Variants in FGD6 observed in about 807,000 individuals in gnomAD.
FGD6 encodes the protein FYVE, RhoGEF and PH domain-containing protein 6.
FGD6 carries 90 observed loss-of-function variants against 149.4 expected under a neutral mutation model. The observed-to-expected ratio is 0.60, with a 90% CI of 0.51 to 0.72. The LOEUF (loss-of-function observed/expected upper bound fraction) is 0.72. Ranked by LOEUF, FGD6 falls within the 30% of genes least tolerant of loss-of-function variation. The probability of loss-of-function intolerance (pLI) is 0.00; values close to 1 mark genes in which losing one functional copy is unlikely to be tolerated. For synonymous variants in FGD6, 527 were observed against 584.0 expected (o/e 0.90, Z 1.41); for missense variants, 1,437 against 1,684.8 (o/e 0.85, Z 2.57).
chr12:95,195,068 C>T (rs1881702742), intron 2 of FGD6, among the ~76,000 whole-genome samples: 1 of 152,008 alleles, frequency 6.6e-6, no homozygotes, highest in African/African-American at 2.4e-5. Context: ...CCTGGTTTTC[C>T]TGAGGGGACA....
intron 8 of FGD6, chr12:95,126,288 A>G (rs12372152): frequency 0.073 from 105,414 of 1,435,674 alleles, 4,569 homozygotes; most frequent in East Asian, 0.18. Context: ...TCCTGCCCAG[A>G]AAGCCACAGG....
intron 3 of FGD6, among the ~76,000 whole-genome samples, chr12:95,167,368 C>T (rs970355932): frequency 1.3e-5 from 2 of 152,124 alleles, no homozygotes; most frequent in African/African-American, 4.8e-5. Context: ...CCCATTTCTC[C>T]ACATCCTGAC....
intron 3 of FGD6, among the ~76,000 whole-genome samples, chr12:95,157,530 C>A (rs1480185187): frequency 2.2e-5 from 3 of 138,764 alleles, no homozygotes; most frequent in African/African-American, 8.3e-5. Flanking sequence ...CGTGCCACTG[C>A]ACTCCAGCCT....
intron 2 of FGD6, among the ~76,000 whole-genome samples, chr12:95,196,933 C>G (rs1881749677): frequency 6.6e-6 from 1 of 152,112 alleles, no homozygotes; most frequent in Non-Finnish European, 1.5e-5. Flanking sequence ...GCCACCAGAG[C>G]CAGCCAGATG....
chr12:95,117,011 C>T, intron 8 of FGD6: 1 of 439,692 alleles, frequency 2.3e-6, no homozygotes, highest in Non-Finnish European at 4.5e-6. Context: ...GGAGACCAGA[C>T]AGACACGCCT....
At chr12:95,136,478 C>G (rs536649068) in intron 7 of FGD6, among the ~76,000 whole-genome samples, 1 of 152,164 alleles carries the variant, frequency 6.6e-6, no homozygotes, top group African/African-American at 2.4e-5. Context: ...AAATACAGTA[C>G]GCAAATTTTA....
intron 3 of FGD6, among the ~76,000 whole-genome samples, chr12:95,169,744 A>G (rs1279903250): frequency 6.6e-6 from 1 of 152,200 alleles, no homozygotes; most frequent in African/African-American, 2.4e-5. Flanking sequence ...AAAACAATAG[A>G]AAAGAGTGTC....
chr12:95,085,633 A>T (rs1877841192), intron 19 of FGD6, 147 bp downstream of exon 19: 2 of 831,804 alleles, frequency 2.4e-6, no homozygotes, highest in Non-Finnish European at 3.6e-6. Flanking sequence ...CACTGTTCAC[A>T]TTAAAAATAA....
intron 5 of FGD6, among the ~76,000 whole-genome samples, chr12:95,149,419 A>G (rs1880223635): frequency 7.9e-6 from 1 of 126,226 alleles, no homozygotes. Flanking sequence ...ATAGCATACT[A>G]TATAATATAT....
chr12:95,099,060 T>A (rs2136236930), intron 14 of FGD6, among the ~76,000 whole-genome samples: 1 of 152,156 alleles, frequency 6.6e-6, no homozygotes, highest in African/African-American at 2.4e-5. Context: ...ATGTAAAATA[T>A]TAAACGGGGT....
At chr12:95,105,750 G>A (rs969677722) in intron 13 of FGD6, among the ~76,000 whole-genome samples, 5 of 152,140 alleles carry the variant, frequency 3.3e-5, no homozygotes, top group Admixed American at 3.3e-4. Context: ...CAGGCAGGGC[G>A]CAGTGGCTCA....
intron 5 of FGD6, among the ~76,000 whole-genome samples, chr12:95,143,457 G>A (rs1879915953): frequency 6.6e-6 from 1 of 152,150 alleles, no homozygotes; most frequent in Non-Finnish European, 1.5e-5. Flanking sequence ...CTGGGACTAA[G>A]TTTATTGATC....
At chr12:95,106,916 A>ACAAAG (rs1878644388) in intron 13 of FGD6, 38 bp downstream of exon 13, 1 of 1,390,306 alleles carries the variant, frequency 7.2e-7, no homozygotes, top group Admixed American at 2.2e-5. Context: ...ACAAAACAAA[A>ACAAAG]CAAAACAAAA....
chr12:95,181,815 G>A (rs1389387489), intron 2 of FGD6, among the ~76,000 whole-genome samples: 6 of 152,024 alleles, frequency 3.9e-5, no homozygotes, highest in African/African-American at 7.2e-5. Flanking sequence ...TTAGCTGGGC[G>A]TGGTGGCGGG....
intron 2 of FGD6, among the ~76,000 whole-genome samples, chr12:95,174,927 C>CAAAAAAAAAAAA (rs10687970): frequency 3.5e-5 from 3 of 84,680 alleles, no homozygotes; most frequent in African/African-American, 1.1e-4. Flanking sequence ...ACTCCATCTC[C>CAAAAAAAAAAAA]AAAAAAAAAA....
Position 95,093,637 on chromosome 12 carries a change from T to C in FGD6, c.3601-792A>G, listed in dbSNP as rs868784910. On this transcript the variant is annotated intron_variant, in intron 15 of 20. Coordinates refer to ENST00000343958, the MANE Select transcript of FGD6 (RefSeq NM_018351.4). ...GTTGTGGTGAGCCGAGATTGTGCCA[T>C]TGCACTCTAGCCTGGGCAATAAGAG... 4.7e-4 allele frequency among the ~76,000 whole-genome samples: 70 copies of C among 150,332 alleles called. 1 individual carries two copies. In the Middle Eastern group the frequency reaches 0.014, roughly 29 times the overall value.
chr12:95,098,936 C>G (rs1878330700), intron 14 of FGD6, among the ~76,000 whole-genome samples: 1 of 140,872 alleles, frequency 7.1e-6, no homozygotes, highest in Non-Finnish European at 1.5e-5. Context: ...GTGGTGCGAT[C>G]TCGGCTCACT....
intron 5 of FGD6, among the ~76,000 whole-genome samples, chr12:95,143,293 GTTTT>G: frequency 7.0e-6 from 1 of 141,900 alleles, no homozygotes; most frequent in South Asian, 2.2e-4. Flanking sequence ...GTTTTTTTTT[GTTTT>G]TTTTTTTTTT....
chr12:95,096,936 G>A (rs1357490005), intron 14 of FGD6, among the ~76,000 whole-genome samples: 2 of 152,216 alleles, frequency 1.3e-5, no homozygotes, highest in African/African-American at 4.8e-5. Flanking sequence ...CTCACCAGAA[G>A]AGTAACAGAA....
Sources: gnomAD v4.1 joint callset for allele counts (sites outside exome capture counted in the v4.1 genomes callset) on GRCh38, gnomAD v4.1.1 for gene constraint, MANE v1.5 for transcripts, NCBI Gene and HGNC (gene_info 2026-07-23, HGNC 2026-07-21) for gene names.